Variants in PDE3B observed in about 807,000 individuals in gnomAD.
PDE3B encodes the protein cGMP-inhibited 3',5'-cyclic phosphodiesterase 3B.
PDE3B carries 66 observed loss-of-function variants against 116.8 expected under a neutral mutation model. The ratio of observed to expected loss-of-function variants is 0.56; its 90% CI spans 0.46 to 0.69. The LOEUF (loss-of-function observed/expected upper bound fraction) is 0.69. Ranked by LOEUF, PDE3B falls within the 30% of genes least tolerant of loss-of-function variation. The pLI is 0.00. For synonymous variants in PDE3B, 595 were observed against 533.6 expected, an observed-to-expected ratio of 1.12 and a Z score of -1.59; for missense variants, 1,384 against 1,368.1, an observed-to-expected ratio of 1.01 and a Z score of -0.18.
intron 1 of PDE3B, chr11:14,673,560 CAT>C (rs1854438189): frequency 2.0e-6 from 1 of 510,356 alleles, no homozygotes; most frequent in Admixed American, 2.6e-5. Flanking sequence ...GAGATCCAAA[CAT>C]AAGTGAGTGA....
intron 1 of PDE3B, among the ~76,000 whole-genome samples, chr11:14,669,588 A>T (rs1402934898): frequency 1.3e-5 from 2 of 151,252 alleles, no homozygotes; most frequent in Non-Finnish European, 2.9e-5. Context: ...TACATTAAGT[A>T]TTCCTCATGC....
chr11:14,734,764 T>C (rs1257978243), intron 1 of PDE3B, among the ~76,000 whole-genome samples: 1 of 152,190 alleles, frequency 6.6e-6, no homozygotes, highest in Non-Finnish European at 1.5e-5. Flanking sequence ...AATTTAACAA[T>C]TAACATTTTG....
At chr11:14,879,733 T>G in the PDE3B span, among the ~76,000 whole-genome samples, 1 of 152,180 alleles carries the variant, frequency 6.6e-6, no homozygotes, top group Non-Finnish European at 1.5e-5. Flanking sequence ...CTATATATCT[T>G]GTTCTAACAG....
chr11:14,769,479 C>T (rs1857578867), intron 1 of PDE3B, among the ~76,000 whole-genome samples: 1 of 150,654 alleles, frequency 6.6e-6, no homozygotes, highest in Admixed American at 6.6e-5. Context: ...TGTCTAAATG[C>T]ATTAGAGAAC....
intron 1 of PDE3B, among the ~76,000 whole-genome samples, chr11:14,747,620 A>G (rs1459617206): frequency 6.6e-6 from 1 of 152,212 alleles, no homozygotes; most frequent in Admixed American, 6.5e-5. Context: ...AAAGTTTTTA[A>G]AGAAGCATAT....
At chr11:14,849,997 C>G (rs1489169833) in intron 12 of PDE3B, among the ~76,000 whole-genome samples, 5 of 151,996 alleles carry the variant, frequency 3.3e-5, no homozygotes, top group African/African-American at 1.2e-4. Flanking sequence ...GGTATATACC[C>G]AAAGGACTAT....
At chr11:14,725,127 C>G (rs548968940) in intron 1 of PDE3B, among the ~76,000 whole-genome samples, 8 of 152,196 alleles carry the variant, frequency 5.3e-5, no homozygotes, top group African/African-American at 1.7e-4. Context: ...TTCTTTTTAG[C>G]CATGCTACTT....
chr11:14,892,372 T>A, the PDE3B span: 1 of 663,824 alleles, frequency 1.5e-6, no homozygotes, highest in Admixed American at 2.8e-5. Flanking sequence ...TACCTTCTAG[T>A]TTTGCGCGGC....
the PDE3B span, chr11:14,886,013 ATT>A: frequency 8.2e-7 from 1 of 1,213,708 alleles, no homozygotes. Flanking sequence ...CTCTTCCAGG[ATT>A]TGTTACGTCC....
At chr11:14,655,844 G>A (rs1287056661) in intron 1 of PDE3B, among the ~76,000 whole-genome samples, 7 of 152,190 alleles carry the variant, frequency 4.6e-5, no homozygotes, top group Non-Finnish European at 8.8e-5. Context: ...AGTGAGGAGT[G>A]TAGAGTTAGT....
chr11:14,788,464 C>A (rs954208188), intron 3 of PDE3B, among the ~76,000 whole-genome samples: 2 of 151,964 alleles, frequency 1.3e-5, no homozygotes, highest in African/African-American at 4.8e-5. Context: ...GAGATTGCTG[C>A]AGTGTCTGCT....
intron 1 of PDE3B, among the ~76,000 whole-genome samples, chr11:14,764,424 CAGT>C (rs1857441361): frequency 6.6e-6 from 1 of 152,104 alleles, no homozygotes; most frequent in Non-Finnish European, 1.5e-5. Context: ...GCTGAGTAAT[CAGT>C]AGAATCACTA....
At chr11:14,743,744 C>T (rs968038662) in intron 1 of PDE3B, among the ~76,000 whole-genome samples, 16 of 152,162 alleles carry the variant, frequency 1.1e-4, no homozygotes, top group South Asian at 4.1e-4. Context: ...GTGGGAAATG[C>T]GTACTATCTG....
intron 1 of PDE3B, among the ~76,000 whole-genome samples, chr11:14,679,896 A>G (rs1010079099): frequency 2.0e-5 from 3 of 151,986 alleles, no homozygotes; most frequent in African/African-American, 7.2e-5. Context: ...ATGCTGTTCC[A>G]CTAGAGTGGG....
chr11:14,875,247 A>G (rs1848179025), downstream of PDE3B, among the ~76,000 whole-genome samples: 1 of 152,094 alleles, frequency 6.6e-6, no homozygotes, highest in Non-Finnish European at 1.5e-5. Flanking sequence ...ATGGGCTCCC[A>G]TCTCCACCTG....
At chr11:14,663,611 G>T (rs927807138) in intron 1 of PDE3B, among the ~76,000 whole-genome samples, 1 of 152,156 alleles carries the variant, frequency 6.6e-6, no homozygotes, top group Non-Finnish European at 1.5e-5. Flanking sequence ...AAAGGCAGGG[G>T]TTGCAATCCT....
At chr11:14,655,027 C>G (rs1306906745) in intron 1 of PDE3B, among the ~76,000 whole-genome samples, 1 of 152,066 alleles carries the variant, frequency 6.6e-6, no homozygotes, top group African/African-American at 2.4e-5. Flanking sequence ...AATCTAGATA[C>G]TACCACGAAT....
intron 12 of PDE3B, among the ~76,000 whole-genome samples, chr11:14,856,133 G>A (rs1847845144): frequency 6.6e-6 from 1 of 152,200 alleles, no homozygotes; most frequent in Admixed American, 6.5e-5. Context: ...GAGTTGTCAT[G>A]AGATCTGATG....
chr11:14,721,049 A>T (rs1310563657), intron 1 of PDE3B, among the ~76,000 whole-genome samples: 3 of 139,234 alleles, frequency 2.2e-5, no homozygotes, highest in Non-Finnish European at 4.6e-5. Flanking sequence ...AATATCCAGA[A>T]TCTACAATGA....
Sources: allele counts gnomAD v4.1 joint callset (sites outside exome capture counted in the v4.1 genomes callset), GRCh38; gene constraint gnomAD v4.1.1; transcripts MANE v1.5; gene names NCBI Gene and HGNC (gene_info 2026-07-23, HGNC 2026-07-21).